GLI2: variants seen among roughly 807,000 people sequenced by gnomAD.
GLI2 encodes the protein GLI family zinc finger 2.
A neutral mutation model predicts 78.9 loss-of-function variants in GLI2; 22 were observed. That is an observed-to-expected ratio of 0.28 (90% CI 0.20 to 0.40). The LOEUF (loss-of-function observed/expected upper bound fraction) is 0.40, where lower values mean the gene tolerates loss of function less well. Ranked by LOEUF, GLI2 falls within the 10% of genes least tolerant of loss-of-function variation. GLI2 has a pLI of 1.00. For synonymous variants in GLI2, 974 were observed against 963.7 expected, an observed-to-expected ratio of 1.01 and a Z score of -0.20; for missense variants, 2,097 against 2,213.2, an observed-to-expected ratio of 0.95 and a Z score of 1.05.
intron 2 of GLI2, among the ~76,000 whole-genome samples, chr2:120,878,237 G>C (rs775864373): frequency 2.0e-5 from 3 of 152,242 alleles, no homozygotes; most frequent in Non-Finnish European, 4.4e-5. Context: ...CCCAGGGGCA[G>C]AGCAAGGAAG....
At chr2:120,754,241 C>T (rs984760539) in intron 1 of GLI2, among the ~76,000 whole-genome samples, 18 of 152,186 alleles carry the variant, frequency 1.2e-4, no homozygotes, top group African/African-American at 4.3e-4. Context: ...TCCACATCAA[C>T]AGGGAGTGTT....
chr2:120,797,512 TCA>T lies in GLI2; in HGVS notation c.148+45_148+46del, dbSNP rs754037579. ...ACTTGGAGGGCAGCAGGGGTGTTTT[TCA>T]TTAGCCCGTTAGGATTTAATTAGAG... On this transcript the variant is annotated intron_variant, in intron 2 of 13. Coordinates refer to ENST00000361492, the MANE Select transcript of GLI2 (RefSeq NM_001374353.1). 261 of 1,581,582 alleles carry T rather than the reference TCA, an allele frequency of 1.7e-4. No homozygotes were observed. The highest frequency in any genetic ancestry group is 9.5e-4 in the Admixed American group (57 of 59,806).
intron 10 of GLI2, among the ~76,000 whole-genome samples, chr2:120,979,027 T>C (rs1047732751): frequency 6.6e-6 from 1 of 152,170 alleles, no homozygotes; most frequent in Non-Finnish European, 1.5e-5. Flanking sequence ...TGAGACAGAG[T>C]CTCACTTTGC....
At chr2:120,772,298 G>A (rs1287229084) in intron 1 of GLI2, among the ~76,000 whole-genome samples, 1 of 152,116 alleles carries the variant, frequency 6.6e-6, no homozygotes. Flanking sequence ...TTTCTCTGAG[G>A]AGCCTTCCCT....
intron 2 of GLI2, among the ~76,000 whole-genome samples, chr2:120,819,239 A>ATT (rs10701244): frequency 0.12 from 13,424 of 116,610 alleles, 1,251 homozygotes; most frequent in African/African-American, 0.17. Flanking sequence ...ACTAATAGAG[A>ATT]TTTTTTTTTT....
intron 3 of GLI2, among the ~76,000 whole-genome samples, chr2:120,928,798 C>T (rs971586362): frequency 6.6e-6 from 1 of 152,220 alleles, no homozygotes; most frequent in African/African-American, 2.4e-5. Context: ...TAAGGTCATA[C>T]AAAAACAGTT....
rs1000736712 is a variant in GLI2 at position 120,971,796 on chromosome 2, G to C, written c.1060-145G>C. 3 of 750,548 alleles carry C rather than the reference G, an allele frequency of 4.0e-6. No individual in the cohort carries two copies. The Admixed American group carries it at 6.0e-5, about 15-fold the overall frequency. The allele number at this position is 750,548 out of a possible 1,614,324, so 46.5% of individuals were successfully genotyped here. A position where few individuals can be genotyped will look rare whatever the true frequency, so the allele number is the denominator to read the frequency against. ...GGACATGTGCCCCTGGCAGGACTGA[G>C]CTGGGGACTCTATTTCTGATACTTT... On this transcript the variant is annotated intron_variant, in intron 7 of 13. Coordinates refer to ENST00000361492, the MANE Select transcript of GLI2 (RefSeq NM_001374353.1).
intron 1 of GLI2, among the ~76,000 whole-genome samples, chr2:120,788,773 G>A (rs1292056559): frequency 1.3e-5 from 2 of 152,178 alleles, no homozygotes; most frequent in Admixed American, 1.3e-4. Flanking sequence ...TGGGGATTTT[G>A]TATGGTGCCC....
At chr2:120,840,631 G>A (rs1479595693) in intron 2 of GLI2, among the ~76,000 whole-genome samples, 1 of 152,194 alleles carries the variant, frequency 6.6e-6, no homozygotes, top group Non-Finnish European at 1.5e-5. Context: ...ATCACTCAGC[G>A]AGAAGGCAAG....
intron 4 of GLI2, among the ~76,000 whole-genome samples, chr2:120,952,049 T>C (rs1361523099): frequency 3.3e-5 from 5 of 152,222 alleles, no homozygotes; most frequent in Non-Finnish European, 5.9e-5. Context: ...TTTATATGTA[T>C]AAAGCAGATC....
In GLI2 at chr2:120,883,736, A is replaced by T. The variant is rs114809393; in HGVS notation, c.149-43625A>T. Among the ~76,000 whole-genome samples the T allele has an allele frequency of 4.8e-3, 733 of 152,226 alleles. 7 individuals carry two copies. Among genetic ancestry groups the T allele is most frequent in the African/African-American group, 0.017 (691 of 41,534 alleles). ...ATCTGAACCCACTTCTGTCATCCTCACTATTCTGTGTGGTTGTTTGGCTGA... is the reference window on the plus strand; with the variant it reads ...ATCTGAACCCACTTCTGTCATCCTCTCTATTCTGTGTGGTTGTTTGGCTGA... On this transcript the variant is annotated intron_variant, in intron 2 of 13. Coordinates refer to ENST00000361492, the MANE Select transcript of GLI2 (RefSeq NM_001374353.1).
chr2:120,982,299 C>T (rs7577521), intron 10 of GLI2, among the ~76,000 whole-genome samples: 48,831 of 152,078 alleles, frequency 0.32, 8,303 homozygotes, highest in East Asian at 0.48. Context: ...TTTTAGAGCA[C>T]AGGACAATTC....
intron 2 of GLI2, among the ~76,000 whole-genome samples, chr2:120,841,217 G>A (rs1167168045): frequency 2.0e-5 from 3 of 152,170 alleles, no homozygotes; most frequent in Non-Finnish European, 2.9e-5. Context: ...TGAAGTGGTC[G>A]GTTTTCAGAG....
At chr2:120,833,870 A>G (rs1048773781) in intron 2 of GLI2, among the ~76,000 whole-genome samples, 1 of 152,198 alleles carries the variant, frequency 6.6e-6, no homozygotes, top group Admixed American at 6.5e-5. Context: ...TTGGAAACCA[A>G]TCCACAAGTC....
At chr2:120,899,518 G>T (rs1366274566) in intron 2 of GLI2, among the ~76,000 whole-genome samples, 2 of 152,158 alleles carry the variant, frequency 1.3e-5, no homozygotes, top group Non-Finnish European at 2.9e-5. Context: ...CCTGCTCCTA[G>T]CTGAGCCTGC....
chr2:120,926,072 C>CAA (rs35224973), intron 2 of GLI2, among the ~76,000 whole-genome samples: 3,256 of 63,038 alleles, frequency 0.052, 949 homozygotes, highest in African/African-American at 0.09. Flanking sequence ...GACTCCGTCT[C>CAA]AAAAAAAAAA....
At chr2:120,743,241 A>G (rs1261057618) in intron 1 of GLI2, among the ~76,000 whole-genome samples, 6 of 152,132 alleles carry the variant, frequency 3.9e-5, no homozygotes, top group Non-Finnish European at 8.8e-5. Flanking sequence ...GAATAACTGT[A>G]ACTGCCAGGT....
At chr2:120,971,504 A>T (rs1682168786) in intron 7 of GLI2, among the ~76,000 whole-genome samples, 1 of 152,214 alleles carries the variant, frequency 6.6e-6, no homozygotes, top group African/African-American at 2.4e-5. Context: ...CAGCTCTGGA[A>T]ACATCACCTG....
At chr2:120,976,167 GACACACACGCACGTGC>G (rs1558930256) in intron 9 of GLI2, among the ~76,000 whole-genome samples, 1 of 152,148 alleles carries the variant, frequency 6.6e-6, no homozygotes, top group Non-Finnish European at 1.5e-5. Context: ...GGGAAGAGCA[GACACACACGCACGTGC>G]ACACACATGC....
Sources: gnomAD v4.1 joint callset for allele counts (sites outside exome capture counted in the v4.1 genomes callset) on GRCh38, gnomAD v4.1.1 for gene constraint, MANE v1.5 for transcripts, NCBI Gene and HGNC (gene_info 2026-07-23, HGNC 2026-07-21) for gene names.